ZDHHC2: variants seen among roughly 807,000 people sequenced by gnomAD.
ZDHHC2 encodes the protein zDHHC palmitoyltransferase 2.
In ZDHHC2, 51 loss-of-function variants were observed where a neutral mutation model predicts 55.6. The ratio of observed to expected loss-of-function variants is 0.92; its 90% confidence interval spans 0.73 to 1.16. ZDHHC2 has a LOEUF of 1.16. ZDHHC2 is among the 50% of genes most tolerant of loss of function. ZDHHC2 has a pLI of 0.00. For synonymous variants in ZDHHC2, 199 were observed against 152.9 expected, an observed-to-expected ratio of 1.30 and a Z score of -2.22; for missense variants, 491 against 442.4, an observed-to-expected ratio of 1.11 and a Z score of -0.99.
chr8:17,167,507 G>T (rs1039265532), intron 1 of ZDHHC2, among the ~76,000 whole-genome samples: 4 of 152,098 alleles, frequency 2.6e-5, no homozygotes, highest in Non-Finnish European at 4.4e-5. Context: ...GTTTCCGCAT[G>T]TTGGCCAGGC....
chr8:17,207,916 A>C (rs1391661887), intron 7 of ZDHHC2, 44 bp from the exon 8 acceptor site: 1 of 1,382,806 alleles, frequency 7.2e-7, no homozygotes, highest in South Asian at 2.0e-5. Flanking sequence ...AGGGGAATAC[A>C]TATCCCTTTG....
At chr8:17,201,994 C>T (rs746782661) in intron 6 of ZDHHC2, among the ~76,000 whole-genome samples, 26 of 151,962 alleles carry the variant, frequency 1.7e-4, no homozygotes, top group Non-Finnish European at 7.4e-5. Flanking sequence ...AAACAGATTC[C>T]GTAGTATTTG....
chr8:17,193,944 G>A (rs1806174693), intron 3 of ZDHHC2, among the ~76,000 whole-genome samples: 1 of 152,102 alleles, frequency 6.6e-6, no homozygotes, highest in Non-Finnish European at 1.5e-5. Context: ...GACAGGCCCT[G>A]GTGTGTGATG....
At chr8:17,180,536 T>C (rs73669028) in intron 1 of ZDHHC2, among the ~76,000 whole-genome samples, 104 of 152,332 alleles carry the variant, frequency 6.8e-4, no homozygotes, top group African/African-American at 2.4e-3. Context: ...CTATACGTTA[T>C]ACATTACAGT....
At chr8:17,196,710 G>A (rs1806331863) in intron 4 of ZDHHC2, among the ~76,000 whole-genome samples, 1 of 151,840 alleles carries the variant, frequency 6.6e-6, no homozygotes. Flanking sequence ...TGAGACCGGT[G>A]TGGCCAACAT....
At chr8:17,178,935 G>A (rs1441110814) in intron 1 of ZDHHC2, among the ~76,000 whole-genome samples, 3 of 152,114 alleles carry the variant, frequency 2.0e-5, no homozygotes, top group African/African-American at 7.2e-5. Context: ...CTTTTTATAT[G>A]TTGTCCTACT....
chr8:17,213,023 A>G lies in ZDHHC2; in HGVS notation c.951-2214A>G, dbSNP rs1048068126. The stretch of plus-strand genomic sequence containing the variant: ...CTTTTTTACTTTCCTTTCACTTACA[A>G]TCCTCAGACACAGATCTTGCTGTTC... On this transcript the variant is annotated intron_variant, in intron 10 of 12. Transcript: ENST00000262096. 2.0e-5 allele frequency among the ~76,000 whole-genome samples: 3 copies of G among 152,002 alleles called. 1 individual carries two copies. Among genetic ancestry groups the G allele is most frequent in the East Asian group, 1.9e-4 (1 of 5,176 alleles).
chr8:17,185,340 T>C (rs1483954420), intron 2 of ZDHHC2, among the ~76,000 whole-genome samples: 1 of 152,244 alleles, frequency 6.6e-6, no homozygotes, highest in South Asian at 2.1e-4. Context: ...GAAGGAAGCA[T>C]TATCACCATA....
intron 1 of ZDHHC2, among the ~76,000 whole-genome samples, chr8:17,176,865 A>T (rs1428400868): frequency 2.0e-5 from 3 of 152,178 alleles, no homozygotes. Context: ...AAAATATAAT[A>T]TGTAAAAATA....
rs552756304 is a variant in ZDHHC2 at position 17,180,570 on chromosome 8, ATATAT to A, written c.131-4214_131-4210del. On this transcript the variant is annotated intron_variant, in intron 1 of 12. Coordinates refer to ENST00000262096, the MANE Select transcript of ZDHHC2 (RefSeq NM_016353.5). ...GTTAATATTATCAAGATGAAAGATGATATATTATAATTGTACATTCATGGGGCTTA... is the reference window on the plus strand; with the variant it reads ...GTTAATATTATCAAGATGAAAGATGATATAATTGTACATTCATGGGGCTTA... 3.9e-3 allele frequency among the ~76,000 whole-genome samples: 590 copies of A among 152,260 alleles called. 7 individuals carry two copies. The highest frequency in any genetic ancestry group is 0.013 in the African/African-American group (559 of 41,532).
chr8:17,164,063 G>A (rs954528579), intron 1 of ZDHHC2, among the ~76,000 whole-genome samples: 8 of 152,122 alleles, frequency 5.3e-5, no homozygotes, highest in Non-Finnish European at 1.0e-4. Context: ...CGCTGGGTAG[G>A]ATGCTCTGAT....
At chr8:17,193,666 A>G (rs1276437650) in intron 3 of ZDHHC2, among the ~76,000 whole-genome samples, 1 of 152,268 alleles carries the variant, frequency 6.6e-6, no homozygotes, top group African/African-American at 2.4e-5. Flanking sequence ...CAGAGATGCC[A>G]TCACAGATCC....
At chr8:17,184,906 T>C (rs1013882324) in intron 2 of ZDHHC2, 91 bp downstream of exon 2, 1 of 1,196,914 alleles carries the variant, frequency 8.4e-7, no homozygotes, top group Non-Finnish European at 1.2e-6. Flanking sequence ...AATAAATTGT[T>C]GTTTGAGAAT....
intron 6 of ZDHHC2, among the ~76,000 whole-genome samples, chr8:17,201,200 T>C (rs1437667875): frequency 6.6e-6 from 1 of 152,170 alleles, no homozygotes; most frequent in Non-Finnish European, 1.5e-5. Flanking sequence ...AGAACCAGGA[T>C]TGTTAACGTC....
chr8:17,186,018 G>A (rs976203251), intron 2 of ZDHHC2, among the ~76,000 whole-genome samples: 1 of 152,152 alleles, frequency 6.6e-6, no homozygotes, highest in African/African-American at 2.4e-5. Flanking sequence ...ATTTGGAGGC[G>A]TAACTGCCTC....
intron 6 of ZDHHC2, among the ~76,000 whole-genome samples, chr8:17,200,070 C>T (rs540163687): frequency 1.3e-5 from 2 of 152,162 alleles, no homozygotes; most frequent in South Asian, 4.2e-4. Flanking sequence ...CTTCTTAATT[C>T]TCCTTACATT....
intron 6 of ZDHHC2, among the ~76,000 whole-genome samples, chr8:17,203,813 T>C (rs1374158320): frequency 6.0e-5 from 2 of 33,268 alleles, no homozygotes; most frequent in Non-Finnish European, 1.0e-4. Flanking sequence ...TTTTTTCTTT[T>C]TTTTTTTTTT....
At chr8:17,188,923 T>A (rs979182327) in intron 3 of ZDHHC2, among the ~76,000 whole-genome samples, 7 of 152,144 alleles carry the variant, frequency 4.6e-5, no homozygotes, top group Admixed American at 2.0e-4. Context: ...CCTTGGCTAC[T>A]CTTTTTCTCT....
chr8:17,211,975 A>G (rs774743888), intron 10 of ZDHHC2, among the ~76,000 whole-genome samples: 7 of 152,100 alleles, frequency 4.6e-5, no homozygotes, highest in Non-Finnish European at 4.4e-5. Context: ...GTTTTTTTTA[A>G]TAATTTAAGA....
Sources: allele counts gnomAD v4.1 joint callset (sites outside exome capture counted in the v4.1 genomes callset), GRCh38; gene constraint gnomAD v4.1.1; transcripts MANE v1.5; gene names NCBI Gene and HGNC (gene_info 2026-07-23, HGNC 2026-07-21).